The following CCDC178 variants were observed in gnomAD, a reference collection of about 807,000 sequenced individuals.
CCDC178 encodes the protein coiled-coil domain containing 178, also known as coiled-coil domain-containing protein 178.
CCDC178 carries 126 observed loss-of-function variants against 117.4 expected under a neutral mutation model. That is an observed-to-expected ratio of 1.07 (90% CI 0.93 to 1.24). The LOEUF is 1.24. Ranked by LOEUF, CCDC178 falls within the 50% of genes most tolerant of loss-of-function variation. The pLI, the probability that CCDC178 is intolerant of heterozygous loss-of-function variation, is 0.00. For synonymous variants in CCDC178, 283 were observed against 313.4 expected, an observed-to-expected ratio of 0.90 and a Z score of 1.02; for missense variants, 1,030 against 986.9, an observed-to-expected ratio of 1.04 and a Z score of -0.59.
chr18:32,946,926 C>T lies in CCDC178; in HGVS notation c.2524-8835G>A, dbSNP rs192687994. 3.3e-5 allele frequency among the ~76,000 whole-genome samples: 5 copies of T among 151,918 alleles called. No individual in the cohort carries two copies. The East Asian group carries it at 7.8e-4, about 24-fold the overall frequency. On this transcript the variant is annotated intron_variant, in intron 22 of 22. Transcript: ENST00000383096. ...TCCGGAGTAGCTGGGACTACCGGCA[C>T]GCACCACCACGCCCGGCTAATTTTT...
At chr18:33,268,255 A>G (rs1233063116) in intron 12 of CCDC178, among the ~76,000 whole-genome samples, 1 of 151,922 alleles carries the variant, frequency 6.6e-6, no homozygotes, top group Non-Finnish European at 1.5e-5. Flanking sequence ...ATACTTCTAT[A>G]TTAAGGCAAC....
At chr18:33,227,044 C>T (rs935151621) in intron 15 of CCDC178, among the ~76,000 whole-genome samples, 189 bp from the exon 16 acceptor site, 1 of 151,862 alleles carries the variant, frequency 6.6e-6, no homozygotes, top group Non-Finnish European at 1.5e-5. Flanking sequence ...TGGTACAGCA[C>T]CAGGAATTAG....
intron 2 of CCDC178, among the ~76,000 whole-genome samples, chr18:33,419,798 T>G (rs2063999148): frequency 6.6e-6 from 1 of 152,036 alleles, no homozygotes; most frequent in Non-Finnish European, 1.5e-5. Context: ...GCTGGTGAGG[T>G]TGTGAAGAAA....
At chr18:33,164,940 T>C (rs1411244430) in intron 20 of CCDC178, among the ~76,000 whole-genome samples, 2 of 152,226 alleles carry the variant, frequency 1.3e-5, no homozygotes, top group East Asian at 1.9e-4. Flanking sequence ...ATATCATGCA[T>C]TGGTCATTTT....
At chr18:33,329,521 T>C (rs1174154844) in intron 10 of CCDC178, among the ~76,000 whole-genome samples, 1 of 152,236 alleles carries the variant, frequency 6.6e-6, no homozygotes, top group Non-Finnish European at 1.5e-5. Flanking sequence ...CTTTGTCCAT[T>C]GTTTGTTCTT....
chr18:33,193,132 A>G (rs3104296), intron 20 of CCDC178, among the ~76,000 whole-genome samples: 24,205 of 146,548 alleles, frequency 0.17, 2,717 homozygotes, highest in African/African-American at 0.33. Context: ...GCGTGGTGGC[A>G]GGCGCCTGTA....
chr18:33,281,131 A>G (rs72953120), intron 12 of CCDC178, among the ~76,000 whole-genome samples: 8,829 of 151,416 alleles, frequency 0.058, 393 homozygotes, highest in East Asian at 0.12. Context: ...ACACACACAC[A>G]AAAAATAAAT....
chr18:33,333,218 G>A lies in CCDC178; in HGVS notation c.835C>T (p.Gln279Ter), dbSNP rs761412860. 6.2e-7 allele frequency: 1 copy of A among 1,607,882 alleles called. No individual in the cohort carries two copies. Among genetic ancestry groups the A allele is most frequent in the Non-Finnish European group, 8.5e-7 (1 of 1,176,772 alleles). The change falls in exon 10 of 23, where the codon CAG becomes TAG. Residue 279 changes from glutamine to a stop codon, truncating the protein, a stop_gained. Transcript: ENST00000383096. LOFTEE classifies it high-confidence loss of function. ...HGPLLDSKQN[Q>*]ELQDLKNHYK... Reference sequence around the variant, plus strand: ...TGGTTCTTCAGATCTTGAAGTTCCTGATTCTGCTTAGAGTCCAGTAGAGGG... The same window carrying A: ...TGGTTCTTCAGATCTTGAAGTTCCTAATTCTGCTTAGAGTCCAGTAGAGGG...
chr18:33,261,921 C>A (rs1430656283), intron 14 of CCDC178, among the ~76,000 whole-genome samples: 1 of 152,030 alleles, frequency 6.6e-6, no homozygotes, highest in Admixed American at 6.6e-5. Context: ...AAACTTCCTA[C>A]TTTCTATGTA....
chr18:33,244,124 A>T (rs1375227067), intron 15 of CCDC178, among the ~76,000 whole-genome samples: 2 of 152,032 alleles, frequency 1.3e-5, no homozygotes, highest in Non-Finnish European at 2.9e-5. Context: ...CCAATCTTTC[A>T]GTACAGAAAC....
chr18:33,350,245 G>A (rs2062956596), intron 7 of CCDC178, among the ~76,000 whole-genome samples: 1 of 151,804 alleles, frequency 6.6e-6, no homozygotes, highest in Non-Finnish European at 1.5e-5. Context: ...TTAATTCTTG[G>A]ACCAGTAAAA....
At chr18:33,217,881 AG>A (rs2059185220) in intron 18 of CCDC178, among the ~76,000 whole-genome samples, 1 of 152,024 alleles carries the variant, frequency 6.6e-6, no homozygotes, top group African/African-American at 2.4e-5. Flanking sequence ...ACCACTAATG[AG>A]TTATGTGAAC....
In CCDC178 at chr18:32,974,660, T is replaced by C; in HGVS notation, c.2410A>G (p.Met804Val). The C allele has an allele frequency of 6.2e-7, 1 of 1,613,266 alleles. No homozygotes were observed. The highest frequency in any genetic ancestry group is 8.5e-7 in the Non-Finnish European group (1 of 1,179,774). The change falls in exon 22 of 23, where the codon ATG becomes GTG. Residue 804 changes from methionine (M) to valine (V), a missense_variant. By Grantham distance (21) the Met-to-Val change is conservative. Coordinates refer to ENST00000383096, the MANE Select transcript of CCDC178 (RefSeq NM_001105528.4). ...KKQLCQLQRR[M>V]HTLWQEHFKL... is the part of the protein sequence containing the mutation. Reference sequence around the variant, plus strand: ...AAGTGCTCCTGCCACAGTGTGTGCATCCTTCTCTGCAGCTGACAGAGCTAA... The same window carrying C: ...AAGTGCTCCTGCCACAGTGTGTGCACCCTTCTCTGCAGCTGACAGAGCTAA...
At chr18:33,190,101 C>T (rs535533310) in intron 20 of CCDC178, among the ~76,000 whole-genome samples, 2 of 152,136 alleles carry the variant, frequency 1.3e-5, no homozygotes, top group Non-Finnish European at 2.9e-5. Context: ...TAGCTTCCTG[C>T]AGAACTCTCC....
chr18:33,264,823 T>G (rs1261227163), intron 14 of CCDC178, among the ~76,000 whole-genome samples: 1 of 152,140 alleles, frequency 6.6e-6, no homozygotes, highest in Admixed American at 6.6e-5. Flanking sequence ...ATCTCACTAA[T>G]GTACTTTTCC....
intron 21 of CCDC178, among the ~76,000 whole-genome samples, chr18:33,085,253 G>T (rs2057362567): frequency 6.6e-6 from 1 of 152,152 alleles, no homozygotes; most frequent in Admixed American, 6.5e-5. Context: ...AACTGTTCTA[G>T]GTGCTTTATA....
intron 4 of CCDC178, among the ~76,000 whole-genome samples, chr18:33,392,386 T>G (rs1199568595): frequency 6.6e-6 from 1 of 152,212 alleles, no homozygotes; most frequent in African/African-American, 2.4e-5. Flanking sequence ...GACCTCAGTA[T>G]TATCTTTGAA....
chr18:33,289,151 C>G (rs992253403), intron 12 of CCDC178, among the ~76,000 whole-genome samples: 2 of 152,044 alleles, frequency 1.3e-5, no homozygotes, highest in African/African-American at 4.8e-5. Context: ...GGATCCTTCT[C>G]TCTTGCCTAT....
At chr18:33,355,531 GAAGT>G (rs1179094060) in intron 7 of CCDC178, among the ~76,000 whole-genome samples, 2 of 152,248 alleles carry the variant, frequency 1.3e-5, no homozygotes, top group African/African-American at 4.8e-5. Context: ...AGGTCAGCCA[GAAGT>G]AAGATTAGGA....
Sources: allele counts gnomAD v4.1 joint callset (sites outside exome capture counted in the v4.1 genomes callset), GRCh38; gene constraint gnomAD v4.1.1; transcripts MANE v1.5; gene names NCBI Gene and HGNC (gene_info 2026-07-23, HGNC 2026-07-21).